The following JAKMIP1 variants were observed in gnomAD, a reference collection of about 807,000 sequenced individuals.
JAKMIP1 encodes the protein janus kinase and microtubule interacting protein 1.
In JAKMIP1, 33 loss-of-function variants were observed where a neutral mutation model predicts 113.0. That is an observed-to-expected ratio of 0.29 (90% CI 0.22 to 0.39). The LOEUF (loss-of-function observed/expected upper bound fraction) is 0.39. Ranked by LOEUF, JAKMIP1 falls within the 10% of genes least tolerant of loss-of-function variation. The pLI is 1.00. For synonymous variants in JAKMIP1, 480 were observed against 459.9 expected (o/e 1.04, Z -0.56); for missense variants, 813 against 1,080.5 (o/e 0.75, Z 3.47).
At chr4:6,105,356 C>T (rs1382155688) in intron 3 of JAKMIP1, 117 bp downstream of exon 3, 1 of 1,092,714 alleles carries the variant, frequency 9.2e-7, no homozygotes, top group Non-Finnish European at 1.3e-6. Context: ...GTTGCTGGGG[C>T]CCCAGTGCTT....
chr4:6,036,815 C>G (rs1713509383), intron 18 of JAKMIP1, among the ~76,000 whole-genome samples: 5 of 152,330 alleles, frequency 3.3e-5, no homozygotes, highest in Admixed American at 2.6e-4. Flanking sequence ...ACCCACATTC[C>G]TTACTAAGGA....
chr4:6,156,586 C>T lies in JAKMIP1; in HGVS notation c.-147-43589G>A, dbSNP rs1722262607. 1.3e-5 allele frequency among the ~76,000 whole-genome samples: 2 copies of T among 152,238 alleles called. No homozygotes were observed. On this transcript the variant is annotated intron_variant, in intron 1 of 20. Transcript: ENST00000409021. This position sits in a 1 kb window ranked among gnomAD's most constrained non-coding sequence, Gnocchi z 5.0. Reference sequence around the variant, plus strand: ...CCCCAGTCATCCTGGTGACCCAGGGCTTAGCTACTGAGATGCAACTCAAAG... The same window carrying T: ...CCCCAGTCATCCTGGTGACCCAGGGTTTAGCTACTGAGATGCAACTCAAAG...
intron 3 of JAKMIP1, among the ~76,000 whole-genome samples, chr4:6,090,637 T>C (rs1721924417): frequency 6.6e-6 from 1 of 151,700 alleles, no homozygotes; most frequent in African/African-American, 2.4e-5. Context: ...AACTAGAGTG[T>C]CACCGCCTCA....
chr4:6,062,588 A>C, intron 9 of JAKMIP1, 148 bp from the exon 10 acceptor site: 840 of 836,916 alleles, frequency 1.0e-3, no homozygotes, highest in Non-Finnish European at 1.3e-3. Flanking sequence ...ACCACATCTC[A>C]CAGTGCTGCC....
At chr4:6,053,857 G>A in intron 13 of JAKMIP1, 193 bp downstream of exon 13, 1 of 1,469,762 alleles carries the variant, frequency 6.8e-7, no homozygotes, top group Non-Finnish European at 9.0e-7. Context: ...ACGCTCTCCA[G>A]AACACATTAA....
In JAKMIP1 at chr4:6,093,556, G is replaced by A. The variant is rs949053159; in HGVS notation, c.625-7927C>T. ...TTCCAAGGCTGATAACCAACCCAAC[G>A]AGATGTCCCAAAAAGACAGCTTCAG... is the stretch of plus-strand genomic sequence containing the variant. On this transcript the variant is annotated intron_variant, in intron 3 of 20. Coordinates refer to ENST00000409021, the MANE Select transcript of JAKMIP1 (RefSeq NM_001099433.2). The surrounding 1 kb of genome is among the most constrained non-coding windows in gnomAD (Gnocchi z 4.6). Among the ~76,000 whole-genome samples the A allele has an allele frequency of 3.3e-5, 5 of 151,990 alleles. No homozygotes were observed. Among genetic ancestry groups the A allele is most frequent in the Admixed American group, 6.6e-5 (1 of 15,252 alleles).
At chr4:6,112,048 A>G (rs1715020981) in intron 2 of JAKMIP1, among the ~76,000 whole-genome samples, 1 of 152,172 alleles carries the variant, frequency 6.6e-6, no homozygotes, top group Non-Finnish European at 1.5e-5. Context: ...ATACCTCACT[A>G]TGCCCTACTC....
At chr4:6,177,050 A>T (rs746751076) in intron 1 of JAKMIP1, among the ~76,000 whole-genome samples, 2 of 152,126 alleles carry the variant, frequency 1.3e-5, no homozygotes, top group Non-Finnish European at 2.9e-5. Context: ...ATTTTTTTTA[A>T]ATGATCGGAA....
Position 6,194,257 on chromosome 4 carries a change from G to A in JAKMIP1, c.-148+5996C>T, listed in dbSNP as rs1057373359. The stretch of plus-strand genomic sequence containing the variant: ...CATCGTGAATGCAGTAAATGCCACC[G>A]AATTGTACCATTGAAAACGGTTTAC... On this transcript the variant is annotated intron_variant, in intron 1 of 20. Coordinates refer to ENST00000409021, the MANE Select transcript of JAKMIP1 (RefSeq NM_001099433.2). This position sits in a 1 kb window ranked among gnomAD's most constrained non-coding sequence, Gnocchi z 7.4. 6.6e-6 allele frequency among the ~76,000 whole-genome samples: 1 copy of A among 152,158 alleles called. No homozygotes were observed. Among genetic ancestry groups the A allele is most frequent in the African/African-American group, 2.4e-5 (1 of 41,520 alleles).
intron 2 of JAKMIP1, among the ~76,000 whole-genome samples, chr4:6,109,155 C>T (rs987793677): frequency 5.5e-4 from 53 of 97,224 alleles, no homozygotes; most frequent in Non-Finnish European, 6.2e-4. Flanking sequence ...TTTTTTGAGT[C>T]GGAGTCTCGC....
intron 16 of JAKMIP1, among the ~76,000 whole-genome samples, chr4:6,043,306 G>A (rs952026718): frequency 1.7e-4 from 26 of 151,112 alleles, no homozygotes; most frequent in Non-Finnish European, 1.6e-4. Flanking sequence ...CCCCTTTCCC[G>A]ACCCCAGGCT....
At chr4:6,032,063 C>T (rs772478454) in intron 19 of JAKMIP1, among the ~76,000 whole-genome samples, 71 of 152,154 alleles carry the variant, frequency 4.7e-4, no homozygotes, top group Non-Finnish European at 3.2e-4. Context: ...GGCCTGAACC[C>T]GGCTTGAATT....
At chr4:6,041,631 G>C (rs1372198372) in intron 17 of JAKMIP1, among the ~76,000 whole-genome samples, 2 of 152,164 alleles carry the variant, frequency 1.3e-5, no homozygotes, top group African/African-American at 4.8e-5. Flanking sequence ...TGCAACCCTG[G>C]TTATGTATGT....
rs911048968 is a variant in JAKMIP1 at position 6,167,312 on chromosome 4, T to A, written c.-148+32941A>T. Among the ~76,000 whole-genome samples the A allele has an allele frequency of 1.3e-5, 2 of 151,862 alleles. No homozygotes were observed. The highest frequency in any genetic ancestry group is 4.8e-5 in the African/African-American group (2 of 41,350). ...ACTTCATCTTTCATGTGGCTCCTCC[T>A]CCCCCTGACAGTGGCCCTTGTCTCC... On this transcript the variant is annotated intron_variant, in intron 1 of 20. Coordinates refer to ENST00000409021, the MANE Select transcript of JAKMIP1 (RefSeq NM_001099433.2). The surrounding 1 kb of genome is among the most constrained non-coding windows in gnomAD (Gnocchi z 5.3).
chr4:6,072,361 T>G (rs1172389343), intron 8 of JAKMIP1, among the ~76,000 whole-genome samples: 1 of 152,212 alleles, frequency 6.6e-6, no homozygotes, highest in African/African-American at 2.4e-5. Flanking sequence ...TCAGAGACTT[T>G]TTGATTTACA....
chr4:6,092,841 C>T, intron 3 of JAKMIP1, among the ~76,000 whole-genome samples: 1 of 152,214 alleles, frequency 6.6e-6, no homozygotes. Context: ...TGTGATGCTT[C>T]ATCTACTGTG....
intron 16 of JAKMIP1, among the ~76,000 whole-genome samples, chr4:6,046,571 G>A (rs1384530809): frequency 6.6e-6 from 1 of 152,052 alleles, no homozygotes; most frequent in African/African-American, 2.4e-5. Context: ...GGTGGTCAGG[G>A]GCAGGCGGGC....
intron 8 of JAKMIP1, among the ~76,000 whole-genome samples, chr4:6,072,989 G>T (rs1054342689): frequency 2.0e-5 from 3 of 151,396 alleles, no homozygotes; most frequent in African/African-American, 7.3e-5. Flanking sequence ...CACGAGAATT[G>T]GTTGAACCCG....
Position 6,137,665 on chromosome 4 carries a change from T to G in JAKMIP1, c.-147-24668A>C, listed in dbSNP as rs1719444940. ...ATGAGCTATCCTGAAATGCGGAGGC[T>G]AAAGAGCCACAAACCATATCTCTGA... On this transcript the variant is annotated intron_variant, in intron 1 of 20. Transcript: ENST00000409021. This position sits in a 1 kb window ranked among gnomAD's most constrained non-coding sequence, Gnocchi z 4.5. 1.3e-5 allele frequency among the ~76,000 whole-genome samples: 2 copies of G among 152,218 alleles called. No individual in the cohort carries two copies. The highest frequency in any genetic ancestry group is 2.4e-5 in the African/African-American group (1 of 41,460).
Sources: gnomAD v4.1 joint callset for allele counts (sites outside exome capture counted in the v4.1 genomes callset) on GRCh38, gnomAD v4.1.1 for gene constraint, Gnocchi (gnomAD v3.1) non-coding constraint, MANE v1.5 for transcripts, NCBI Gene and HGNC (gene_info 2026-07-23, HGNC 2026-07-21) for gene names.